Variants in CSRNP3 observed in about 807,000 individuals in gnomAD.
The protein encoded by CSRNP3 is cysteine and serine rich nuclear protein 3.
In CSRNP3, 12 loss-of-function variants were observed where a neutral mutation model predicts 48.0. That is an observed-to-expected ratio of 0.25 (90% CI 0.16 to 0.41). The LOEUF (loss-of-function observed/expected upper bound fraction) is 0.41, where lower values mean the gene tolerates loss of function less well. CSRNP3 is among the 10% of genes least tolerant of loss of function. The pLI, the probability that CSRNP3 is intolerant of heterozygous loss-of-function variation, is 1.00. For synonymous variants in CSRNP3, 263 were observed against 269.7 expected (o/e 0.98, Z 0.24); for missense variants, 580 against 724.4 (o/e 0.80, Z 2.29).
At chr2:165,628,715 ACT>A (rs762708097) in intron 4 of CSRNP3, among the ~76,000 whole-genome samples, 50 of 151,904 alleles carry the variant, frequency 3.3e-4, no homozygotes, top group Non-Finnish European at 6.2e-4. Flanking sequence ...TGAGAGCAAA[ACT>A]CTGTCTCCAA....
chr2:165,485,000 A>G (rs1053667366), intron 1 of CSRNP3, among the ~76,000 whole-genome samples: 11 of 136,192 alleles, frequency 8.1e-5, no homozygotes, highest in African/African-American at 3.2e-4. Context: ...TTTTAATTCA[A>G]ACTGATTATT....
chr2:165,500,348 T>C (rs960744270), intron 2 of CSRNP3, among the ~76,000 whole-genome samples: 11 of 150,380 alleles, frequency 7.3e-5, no homozygotes, highest in Non-Finnish European at 1.5e-4. Context: ...TATGTATATA[T>C]GTATATGTAT....
intron 4 of CSRNP3, among the ~76,000 whole-genome samples, chr2:165,607,569 G>C (rs1686052644): frequency 6.6e-6 from 1 of 152,110 alleles, no homozygotes; most frequent in Non-Finnish European, 1.5e-5. Flanking sequence ...CTGTCACACT[G>C]TATATACAGT....
intron 5 of CSRNP3, among the ~76,000 whole-genome samples, chr2:165,671,784 G>A (rs577458921): frequency 1.3e-4 from 20 of 152,228 alleles, no homozygotes; most frequent in South Asian, 4.1e-4. Context: ...GGATTGTCAG[G>A]CTGTGCATTT....
intron 5 of CSRNP3, among the ~76,000 whole-genome samples, chr2:165,670,433 G>T (rs1348299346): frequency 6.6e-6 from 1 of 152,132 alleles, no homozygotes; most frequent in Non-Finnish European, 1.5e-5. Flanking sequence ...ATAAAAGATT[G>T]TTCAGTACCT....
intron 2 of CSRNP3, among the ~76,000 whole-genome samples, chr2:165,515,403 A>G (rs888203462): frequency 7.3e-5 from 11 of 151,024 alleles, no homozygotes; most frequent in African/African-American, 2.2e-4. Context: ...GCTTTCCTCA[A>G]TAGAATATCT....
intron 2 of CSRNP3, among the ~76,000 whole-genome samples, chr2:165,509,047 C>T (rs188208399): frequency 6.6e-6 from 1 of 152,228 alleles, no homozygotes; most frequent in East Asian, 1.9e-4. Context: ...CTCCTATCAG[C>T]TTTGGATAAG....
At chr2:165,667,135 G>C (rs1461520968) in intron 5 of CSRNP3, among the ~76,000 whole-genome samples, 1 of 149,984 alleles carries the variant, frequency 6.7e-6, no homozygotes, top group Non-Finnish European at 1.5e-5. Context: ...AAGAAAGAAA[G>C]AGAGAGAGAA....
intron 4 of CSRNP3, among the ~76,000 whole-genome samples, chr2:165,640,161 T>C (rs991761593): frequency 6.6e-5 from 10 of 152,228 alleles, no homozygotes; most frequent in Admixed American, 2.6e-4. Flanking sequence ...TGATTTTTGA[T>C]TTCTTTACTT....
chr2:165,502,506 T>TA (rs1191341757), intron 2 of CSRNP3, among the ~76,000 whole-genome samples: 5 of 152,198 alleles, frequency 3.3e-5, no homozygotes, highest in African/African-American at 1.2e-4. Flanking sequence ...GTTTATGACT[T>TA]ACTTGTAGAT....
At chr2:165,581,059 G>A (rs1574847135) in intron 3 of CSRNP3, among the ~76,000 whole-genome samples, 1 of 152,158 alleles carries the variant, frequency 6.6e-6, no homozygotes, top group African/African-American at 2.4e-5. Context: ...AAGCCGTATC[G>A]TGTTCTTGGT....
At chr2:165,502,059 A>G (rs528208850) in intron 2 of CSRNP3, among the ~76,000 whole-genome samples, 2 of 152,220 alleles carry the variant, frequency 1.3e-5, no homozygotes, top group African/African-American at 4.8e-5. Context: ...AATGTAGAAA[A>G]AAGTTTTAGC....
chr2:165,522,135 A>G (rs950150838), intron 3 of CSRNP3, among the ~76,000 whole-genome samples: 2 of 152,048 alleles, frequency 1.3e-5, no homozygotes, highest in African/African-American at 4.8e-5. Context: ...TACAAAAAAT[A>G]CAAAAAATTA....
At chr2:165,498,904 G>A (rs1329365567) in intron 2 of CSRNP3, among the ~76,000 whole-genome samples, 2 of 152,066 alleles carry the variant, frequency 1.3e-5, no homozygotes, top group Admixed American at 1.3e-4. Flanking sequence ...ATTTCATAAA[G>A]AGCACAAGAA....
intron 3 of CSRNP3, among the ~76,000 whole-genome samples, chr2:165,533,911 C>T (rs1684848944): frequency 6.6e-6 from 1 of 151,730 alleles, no homozygotes; most frequent in African/African-American, 2.4e-5. Flanking sequence ...AAATATAAGA[C>T]AATAAATGTT....
chr2:165,674,719 G>GAATATATATATATATA (rs1687393947), intron 5 of CSRNP3, among the ~76,000 whole-genome samples: 1 of 95,044 alleles, frequency 1.1e-5, no homozygotes, highest in Non-Finnish European at 2.0e-5. Context: ...TATATAATTT[G>GAATATATATATATATA]TTTATTTATT....
chr2:165,527,664 G>T (rs6717421), intron 3 of CSRNP3, among the ~76,000 whole-genome samples: 30 of 151,962 alleles, frequency 2.0e-4, no homozygotes, highest in Middle Eastern at 3.4e-3. Context: ...TTTTCAGTAG[G>T]CTCCAAATTT....
chr2:165,530,603 T>G (rs915208092), intron 3 of CSRNP3, among the ~76,000 whole-genome samples: 1 of 152,114 alleles, frequency 6.6e-6, no homozygotes, highest in East Asian at 1.9e-4. Flanking sequence ...CTAATTAGTT[T>G]TTTAAAAAGT....
intron 2 of CSRNP3, among the ~76,000 whole-genome samples, chr2:165,505,044 T>C (rs16850803): frequency 0.016 from 2,400 of 152,162 alleles, 59 homozygotes; most frequent in African/African-American, 0.054. Context: ...AAATTAACTC[T>C]CATTTTCAGA....
Sources: gnomAD v4.1 joint callset for allele counts (sites outside exome capture counted in the v4.1 genomes callset) on GRCh38, gnomAD v4.1.1 for gene constraint, MANE v1.5 for transcripts, NCBI Gene and HGNC (gene_info 2026-07-23, HGNC 2026-07-21) for gene names.